Variants in MZT2A observed in about 807,000 individuals in gnomAD.
MZT2A encodes the protein mitotic-spindle organizing protein 2A.
In MZT2A, 8 loss-of-function variants were observed where a neutral mutation model predicts 12.4. That is an observed-to-expected ratio of 0.64 (90% CI 0.38 to 1.16). The LOEUF is 1.16. Ranked by LOEUF, MZT2A falls within the 50% of genes most tolerant of loss-of-function variation. The pLI is 0.01. For synonymous variants in MZT2A, 88 were observed against 107.5 expected (o/e 0.82, Z 1.12); for missense variants, 181 against 223.6 (o/e 0.81, Z 1.22).
intron 1 of MZT2A, 73 bp downstream of exon 1, chr2:131,492,134 C>G: frequency 6.5e-7 from 1 of 1,540,778 alleles, no homozygotes; most frequent in East Asian, 2.4e-5. Context: ...TCCCGACCAG[C>G]GGGCCGGGCG....
chr2:131,487,826 G>A (rs1559359029), intron 2 of MZT2A, among the ~76,000 whole-genome samples: 2 of 152,204 alleles, frequency 1.3e-5, no homozygotes, highest in South Asian at 2.1e-4. Flanking sequence ...GAGTGCAGTG[G>A]TGCAGTCACA....
chr2:131,492,902 A>G (rs571037049), upstream of MZT2A: 535 of 1,505,612 alleles, frequency 3.6e-4, 4 homozygotes, highest in African/African-American at 6.8e-3. Flanking sequence ...AGGCGCATTC[A>G]GCTAAGGACC....
chr2:131,476,232 A>T, intron 2 of MZT2A: 1 of 1,613,858 alleles, frequency 6.2e-7, no homozygotes, highest in Non-Finnish European at 8.5e-7. Flanking sequence ...CGCCCCGCAG[A>T]TGCCCAGGCA....
At chr2:131,492,999 G>A (rs1261399596), upstream of MZT2A, 3 of 1,515,248 alleles carry the variant, frequency 2.0e-6, no homozygotes, top group Non-Finnish European at 2.7e-6. Flanking sequence ...TACCTTTTGA[G>A]GTAACGGCCC....
intron 2 of MZT2A, chr2:131,476,320 G>A (rs1355768920): frequency 6.4e-7 from 1 of 1,551,862 alleles, no homozygotes; most frequent in Non-Finnish European, 8.8e-7. Context: ...AAGGACGCAG[G>A]GTCTAGTGCG....
intron 2 of MZT2A, among the ~76,000 whole-genome samples, chr2:131,485,157 C>T (rs561976213): frequency 2.0e-5 from 3 of 152,116 alleles, no homozygotes; most frequent in Non-Finnish European, 4.4e-5. Flanking sequence ...GGGTCTGACC[C>T]GTGGGCTCTA....
At chr2:131,477,162 C>T (rs1289870369) in intron 2 of MZT2A, among the ~76,000 whole-genome samples, 2 of 151,690 alleles carry the variant, frequency 1.3e-5, no homozygotes, top group Admixed American at 6.6e-5. Context: ...CTCAGCCTTC[C>T]GAGTAGCTGG....
At chr2:131,480,910 C>CTTT (rs375835410), downstream of MZT2A, among the ~76,000 whole-genome samples, 3 of 146,086 alleles carry the variant, frequency 2.1e-5, no homozygotes, top group African/African-American at 5.0e-5. Context: ...TCAGTGATTT[C>CTTT]TTTTTTTTTT....
chr2:131,488,638 G>A (rs1285600499), intron 2 of MZT2A, among the ~76,000 whole-genome samples: 1 of 152,102 alleles, frequency 6.6e-6, no homozygotes, highest in Non-Finnish European at 1.5e-5. Flanking sequence ...GTCAGAAGCT[G>A]TAATATGTGG....
At chr2:131,488,637 T>C (rs1679154114) in intron 2 of MZT2A, among the ~76,000 whole-genome samples, 1 of 151,774 alleles carries the variant, frequency 6.6e-6, no homozygotes, top group Non-Finnish European at 1.5e-5. Context: ...GGTCAGAAGC[T>C]GTAATATGTG....
At chr2:131,483,726 A>G (rs551873530), downstream of MZT2A, among the ~76,000 whole-genome samples, 125 of 142,594 alleles carry the variant, frequency 8.8e-4, no homozygotes, top group African/African-American at 3.7e-3. Flanking sequence ...GAAAACAAAC[A>G]AACAAACAAA....
intron 2 of MZT2A, chr2:131,490,483 T>C: frequency 7.1e-7 from 1 of 1,404,514 alleles, no homozygotes; most frequent in Non-Finnish European, 9.3e-7. Flanking sequence ...GGTGTGGGGA[T>C]GTTGGTCCTG....
chr2:131,492,796 G>GCCC, upstream of MZT2A: 1 of 853,230 alleles, frequency 1.2e-6, no homozygotes, highest in Non-Finnish European at 1.7e-6. Context: ...GGGGTGGGGG[G>GCCC]CACTAATCAA....
At chr2:131,491,074 T>C in intron 2 of MZT2A, 4 of 975,668 alleles carry the variant, frequency 4.1e-6, no homozygotes, top group Non-Finnish European at 4.7e-6. Flanking sequence ...CTCCTCCTGC[T>C]TCCAGGCAGG....
chr2:131,479,342 C>T (rs781760209), downstream of MZT2A: 9 of 1,614,018 alleles, frequency 5.6e-6, no homozygotes, highest in East Asian at 4.5e-5. Flanking sequence ...GGCAGCTCTT[C>T]CACCCGGAGC....
intron 2 of MZT2A, chr2:131,472,230 G>C (rs751876969): frequency 7.9e-7 from 1 of 1,266,608 alleles, no homozygotes; most frequent in South Asian, 1.3e-5. Context: ...TACTTTCTGT[G>C]TAGCAACTAT....
At chr2:131,482,640 C>T (rs772356938), downstream of MZT2A, 54 of 1,614,118 alleles carry the variant, frequency 3.3e-5, no homozygotes, top group African/African-American at 6.7e-5. Context: ...AGCAACACCA[C>T]GGCCATTGCG....
intron 2 of MZT2A, among the ~76,000 whole-genome samples, chr2:131,475,826 G>A (rs577985930): frequency 1.3e-5 from 2 of 152,202 alleles, no homozygotes; most frequent in African/African-American, 2.4e-5. Context: ...ATCAGGGAGG[G>A]GCAGTGGCAC....
chr2:131,492,398 GCGCCCCGCCC>G (rs1005723578), upstream of MZT2A: 5 of 1,254,590 alleles, frequency 4.0e-6, no homozygotes, highest in Admixed American at 4.3e-5. Context: ...GCCGAAAGGT[GCGCCCCGCCC>G]CGCCGCGCCC....
Sources: allele counts gnomAD v4.1 joint callset (sites outside exome capture counted in the v4.1 genomes callset), GRCh38; gene constraint gnomAD v4.1.1; transcripts MANE v1.5; gene names NCBI Gene and HGNC (gene_info 2026-07-23, HGNC 2026-07-21).